PTPRN2: variants seen among roughly 807,000 people sequenced by gnomAD.
The protein encoded by PTPRN2 is protein tyrosine phosphatase receptor type N2.
A neutral mutation model predicts 118.8 loss-of-function variants in PTPRN2; 74 were observed. The observed-to-expected ratio is 0.62, with a 90% CI of 0.52 to 0.76. PTPRN2 has a LOEUF of 0.76. Ranked by LOEUF, PTPRN2 falls within the 30% of genes least tolerant of loss-of-function variation. The pLI, the probability that PTPRN2 is intolerant of heterozygous loss-of-function variation, is 0.00. For missense variants in PTPRN2, 1,481 were observed against 1,394.4 expected, an observed-to-expected ratio of 1.06 and a Z score of -0.99; for synonymous variants, 641 against 608.0, an observed-to-expected ratio of 1.05 and a Z score of -0.80.
At chr7:158,483,031 T>G (rs1448591027) in intron 2 of PTPRN2, among the ~76,000 whole-genome samples, 1 of 152,108 alleles carries the variant, frequency 6.6e-6, no homozygotes, top group Admixed American at 6.5e-5. Context: ...GCTAGAAGAC[T>G]CCAGACAGGC....
At chr7:157,976,176 G>C (rs898450958) in intron 11 of PTPRN2, among the ~76,000 whole-genome samples, 3 of 152,246 alleles carry the variant, frequency 2.0e-5, no homozygotes, top group African/African-American at 7.2e-5. Flanking sequence ...CTTAGGGCTG[G>C]TTCCCATCGC....
At chr7:158,151,514 T>TGCCCCTGCCTGCC (rs1563522262) in intron 6 of PTPRN2, among the ~76,000 whole-genome samples, 1 of 146,074 alleles carries the variant, frequency 6.8e-6, no homozygotes, top group African/African-American at 2.5e-5. Context: ...TTTCTGCTCC[T>TGCCCCTGCCTGCC]CACCGCACGT....
At chr7:158,448,630 G>GC (rs1817892187) in intron 2 of PTPRN2, among the ~76,000 whole-genome samples, 1 of 152,212 alleles carries the variant, frequency 6.6e-6, no homozygotes, top group African/African-American at 2.4e-5. Flanking sequence ...CCACTCCTGG[G>GC]CCAAGGGCAT....
chr7:158,161,107 T>C (rs1822318399), intron 6 of PTPRN2, among the ~76,000 whole-genome samples: 1 of 152,234 alleles, frequency 6.6e-6, no homozygotes, highest in Admixed American at 6.5e-5. Context: ...GGATTATGAC[T>C]GGCTCCCAAA....
rs746466296 is a variant in PTPRN2 at position 158,541,626 on chromosome 7, C to T, written c.112+45932G>A. ...AGCCATCTGGCTGTCATTTCACAAGCTCTTTGCAAAATCTGGCTATAATTC... is the reference window on the plus strand; with the variant it reads ...AGCCATCTGGCTGTCATTTCACAAGTTCTTTGCAAAATCTGGCTATAATTC... On this transcript the variant is annotated intron_variant, in intron 1 of 22. Coordinates refer to ENST00000389418, the MANE Select transcript of PTPRN2 (RefSeq NM_002847.5). The T allele has an allele frequency of 2.2e-6, 3 of 1,349,020 alleles. No homozygotes were observed. In the Admixed American group the frequency reaches 5.7e-5, roughly 26 times the overall value. 83.6% of individuals were successfully genotyped at this position (1,349,020 alleles called of 1,614,324 possible). A position where few individuals can be genotyped will look rare whatever the true frequency, so the allele number is the denominator to read the frequency against.
intron 16 of PTPRN2, among the ~76,000 whole-genome samples, chr7:157,599,537 C>A (rs560275302): frequency 6.6e-6 from 1 of 152,188 alleles, no homozygotes; most frequent in African/African-American, 2.4e-5. Context: ...AAAAACTTAG[C>A]CACAATTTCC....
chr7:157,677,942 A>G (rs1796747961), intron 13 of PTPRN2, among the ~76,000 whole-genome samples: 1 of 152,224 alleles, frequency 6.6e-6, no homozygotes, highest in Admixed American at 6.5e-5. Context: ...GTTCCCGGAC[A>G]ATCTGCAAAA....
intron 6 of PTPRN2, among the ~76,000 whole-genome samples, chr7:158,154,373 G>A (rs1221847290): frequency 1.3e-5 from 2 of 152,332 alleles, no homozygotes; most frequent in African/African-American, 4.8e-5. Flanking sequence ...AATATAGTAA[G>A]TGTGTTGTCT....
In PTPRN2 at chr7:158,192,386, C is replaced by T. The variant is rs141061970; in HGVS notation, c.490G>A (p.Ala164Thr). 2.8e-5 allele frequency: 43 copies of T among 1,530,330 alleles called. No individual in the cohort carries two copies. In the Middle Eastern group the frequency reaches 2.1e-3, roughly 74 times the overall value. 94.8% of individuals were successfully genotyped at this position (1,530,330 alleles called of 1,614,324 possible). Residue 164 changes from alanine to threonine, a missense_variant, in exon 5 of 23, where the codon GCC becomes ACC. By Grantham distance (58) the Ala-to-Thr change is moderately conservative (BLOSUM62 0). Transcript: ENST00000389418. ...CTGGCGAGCACGTCTGAGGCTGGGG[C>T]CTGGGACAGGGCCTCCAGGAAGGGC... ...HLPFLEALSQ[A>T]PASDVLARTH... is the part of the protein sequence containing the mutation.
chr7:158,362,342 C>A (rs1401714586), intron 2 of PTPRN2, among the ~76,000 whole-genome samples: 1 of 152,182 alleles, frequency 6.6e-6, no homozygotes, highest in Non-Finnish European at 1.5e-5. Flanking sequence ...CCTCAGGCCA[C>A]CCTGGCCCCA....
At chr7:158,226,641 C>T (rs1382356279) in intron 3 of PTPRN2, among the ~76,000 whole-genome samples, 1 of 149,588 alleles carries the variant, frequency 6.7e-6, no homozygotes, top group Non-Finnish European at 1.5e-5. Context: ...CCAAGGTGCA[C>T]GCTGCATATG....
chr7:157,747,382 TGTGGGCTGTTG>T (rs1801039232), intron 12 of PTPRN2, among the ~76,000 whole-genome samples: 1 of 139,274 alleles, frequency 7.2e-6, no homozygotes, highest in African/African-American at 2.8e-5. Context: ...GTCCCTGAGC[TGTGGGCTGTTG>T]AGGTGATTCT....
chr7:157,745,886 C>T (rs147001152), intron 12 of PTPRN2, among the ~76,000 whole-genome samples: 17 of 152,158 alleles, frequency 1.1e-4, no homozygotes, highest in African/African-American at 2.4e-4. Flanking sequence ...TCAGCACGCA[C>T]GCCACAAACA....
At chr7:158,474,210 A>G (rs1820076416) in intron 2 of PTPRN2, among the ~76,000 whole-genome samples, 1 of 152,102 alleles carries the variant, frequency 6.6e-6, no homozygotes, top group Non-Finnish European at 1.5e-5. Flanking sequence ...ACTCTACAGG[A>G]CTCCACATTC....
intron 11 of PTPRN2, among the ~76,000 whole-genome samples, chr7:157,979,955 G>GT (rs1358307796): frequency 2.6e-5 from 4 of 152,196 alleles, no homozygotes; most frequent in Non-Finnish European, 4.4e-5. Context: ...TGAGTTCGGG[G>GT]TAGTGTGTTG....
chr7:158,275,131 C>T lies in PTPRN2; in HGVS notation c.277+41688G>A, dbSNP rs777146479. On this transcript the variant is annotated intron_variant, in intron 3 of 22. Transcript: ENST00000389418. ...GGCCGGCAGCAGTGCCGAGGAGCCCCGGGGAAGAGCTCAAGCCAGTGGCCA... is the reference window on the plus strand; with the variant it reads ...GGCCGGCAGCAGTGCCGAGGAGCCCTGGGGAAGAGCTCAAGCCAGTGGCCA... Among the ~76,000 whole-genome samples the T allele has an allele frequency of 7.2e-5, 11 of 152,264 alleles. No homozygotes were observed. In the East Asian group the frequency reaches 7.7e-4, roughly 11 times the overall value.
chr7:158,154,083 A>G (rs766612399), intron 6 of PTPRN2, among the ~76,000 whole-genome samples: 2 of 152,162 alleles, frequency 1.3e-5, no homozygotes, highest in Non-Finnish European at 2.9e-5. Context: ...CCACACTGCC[A>G]TGTTTGGTCT....
intron 11 of PTPRN2, among the ~76,000 whole-genome samples, chr7:158,070,847 T>G (rs2128916839): frequency 3.2e-5 from 2 of 62,578 alleles, no homozygotes; most frequent in African/African-American, 7.9e-5. Context: ...CCCATGGTGG[T>G]ATGGAGGTGC....
chr7:158,285,931 A>C (rs1799739877), intron 3 of PTPRN2, among the ~76,000 whole-genome samples: 1 of 150,326 alleles, frequency 6.7e-6, no homozygotes, highest in Admixed American at 6.7e-5. Context: ...ATCCAGCCAC[A>C]CAGAGGTGTC....
Sources: gnomAD v4.1 joint callset for allele counts (sites outside exome capture counted in the v4.1 genomes callset) on GRCh38, gnomAD v4.1.1 for gene constraint, MANE v1.5 for transcripts, NCBI Gene and HGNC (gene_info 2026-07-23, HGNC 2026-07-21) for gene names.